The following ZNF217 variants were observed in gnomAD, a reference collection of about 807,000 sequenced individuals.
ZNF217 encodes the protein zinc finger protein 217.
In ZNF217, 12 loss-of-function variants were observed where a neutral mutation model predicts 73.3. The observed-to-expected ratio is 0.16, with a 90% CI of 0.10 to 0.27. The LOEUF is 0.27. ZNF217 is among the 10% of genes least tolerant of loss of function. ZNF217 has a pLI of 1.00. For missense variants in ZNF217, 1,195 were observed against 1,327.8 expected (o/e 0.90, Z 1.55); for synonymous variants, 588 against 516.4 (o/e 1.14, Z -1.88).
At chr20:53,586,869 T>TA (rs899535560) in intron 1 of ZNF217, among the ~76,000 whole-genome samples, 8 of 152,328 alleles carry the variant, frequency 5.3e-5, no homozygotes, top group African/African-American at 1.7e-4. Flanking sequence ...GCACTGCTGA[T>TA]AAAGTAAATT....
At chr20:53,592,974 ATTCT>A (rs1449566728) in intron 1 of ZNF217, among the ~76,000 whole-genome samples, 5 of 151,906 alleles carry the variant, frequency 3.3e-5, no homozygotes, top group Non-Finnish European at 5.9e-5. Context: ...TTGTAAAGAT[ATTCT>A]TTAAGTGTTT....
chr20:53,575,566 A>G, intron 4 of ZNF217, 161 bp downstream of exon 4: 2 of 646,040 alleles, frequency 3.1e-6, no homozygotes, highest in Non-Finnish European at 5.2e-6. Flanking sequence ...GAGGACCACA[A>G]ACCACTGCCG....
At chr20:53,583,683 AT>A (rs1260531295) in intron 1 of ZNF217, among the ~76,000 whole-genome samples, 17 of 152,238 alleles carry the variant, frequency 1.1e-4, no homozygotes, top group Admixed American at 1.1e-3. Flanking sequence ...CCCCTTAGAG[AT>A]TTTGCACATA....
chr20:53,594,366 G>GC (rs544222022), upstream of ZNF217, among the ~76,000 whole-genome samples: 84 of 114,854 alleles, frequency 7.3e-4, 2 homozygotes, highest in South Asian at 0.015. Flanking sequence ...TTCACCGGCC[G>GC]CCCGGCCACG....
intron 1 of ZNF217, among the ~76,000 whole-genome samples, chr20:53,589,885 A>G (rs184571627): frequency 5.1e-4 from 77 of 151,228 alleles, no homozygotes; most frequent in Admixed American, 5.0e-3. Context: ...ATGTGCGTTT[A>G]AATTTTAACA....
Position 53,577,155 on chromosome 20 carries a change from C to T in ZNF217, c.1609G>A (p.Gly537Ser). The change falls in exon 4 of 6, where the codon GGT (glycine) becomes AGT (serine). Residue 537 changes from glycine to serine, a missense_variant. Physicochemically the swap from Gly to Ser is moderately conservative, Grantham distance 56. This residue lies in a region of ZNF217 where 649 missense variants were observed against 642.8 expected (regional missense o/e 1.01). Transcript: ENST00000371471. ...GCATCTTCAGTGTCCTGATTTTTAC[C>T]ATCGTTCTTGACTTCAGCAGCAACA... Reference protein sequence around the residue: ...TDVAAEVKNDGKNQDTEDALL... With the variant: ...TDVAAEVKNDSKNQDTEDALL... 3 of 1,614,014 alleles carry T rather than the reference C, an allele frequency of 1.9e-6. No homozygotes were observed. The highest frequency in any genetic ancestry group is 2.5e-6 in the Non-Finnish European group (3 of 1,180,044).
At chr20:53,592,625 A>G (rs1029989518) in intron 1 of ZNF217, among the ~76,000 whole-genome samples, 7 of 144,842 alleles carry the variant, frequency 4.8e-5, no homozygotes. Flanking sequence ...CCCGGGACCC[A>G]GGTTCCGGCG....
Position 53,570,664 on chromosome 20 carries a change from G to A in ZNF217, c.*23+1057C>T, listed in dbSNP as rs185169120. Among the ~76,000 whole-genome samples, 932 of 152,250 alleles carry A rather than the reference G, an allele frequency of 6.1e-3. 9 individuals are homozygous for A. Among genetic ancestry groups the A allele is most frequent in the African/African-American group, 0.021 (864 of 41,544 alleles). On this transcript the variant is annotated intron_variant, in intron 5 of 5. Transcript: ENST00000371471. Reference sequence around the variant, plus strand: ...ACTACTTGAGCCTTACGGGACGGCGGTGCACTACAGTGAGACCTTTAACAT... The same window carrying A: ...ACTACTTGAGCCTTACGGGACGGCGATGCACTACAGTGAGACCTTTAACAT...
upstream of ZNF217, among the ~76,000 whole-genome samples, chr20:53,593,991 G>A (rs1456624829): frequency 4.0e-5 from 6 of 151,658 alleles, no homozygotes; most frequent in Admixed American, 6.6e-5. Flanking sequence ...GCGGGCGAGG[G>A]GTGCAGCCAT....
chr20:53,591,037 C>T (rs1287568110), intron 1 of ZNF217, among the ~76,000 whole-genome samples: 1 of 147,898 alleles, frequency 6.8e-6, no homozygotes, highest in Non-Finnish European at 1.5e-5. Flanking sequence ...CACTGCTCCT[C>T]CTTCCTCCCC....
intron 2 of ZNF217, among the ~76,000 whole-genome samples, chr20:53,580,031 C>T (rs892377815): frequency 2.0e-5 from 3 of 152,214 alleles, no homozygotes; most frequent in African/African-American, 4.8e-5. Context: ...TGCAACAGTA[C>T]CGGCACTAGC....
intron 2 of ZNF217, among the ~76,000 whole-genome samples, chr20:53,580,085 T>C (rs115996963): frequency 0.012 from 1,755 of 152,334 alleles, 33 homozygotes; most frequent in African/African-American, 0.039. Context: ...AAGCCTCTTT[T>C]TATGATGCCA....
At position 53,576,641 on chromosome 20, in the gene ZNF217, G is replaced by A. The variant is rs745817459; in HGVS notation, c.2123C>T (p.Pro708Leu). The stretch of plus-strand genomic sequence containing the variant: ...GGTACAAAATGGACAGGTGATACTT[G>A]GAATCAAACTTTTACTCAAAGAAAT... ...PAISLSKSLIPSITCPFCTFK... is the reference protein window; with the variant it reads ...PAISLSKSLILSITCPFCTFK... The change falls in exon 4 of 6, where the codon CCA becomes CTA. Residue 708 changes from proline to leucine, a missense_variant. Pro to Leu is a moderately conservative substitution (Grantham distance 98). Transcript: ENST00000371471. The A allele has an allele frequency of 6.2e-7, 1 of 1,614,176 alleles. No individual in the cohort carries two copies. The highest frequency in any genetic ancestry group is 8.5e-7 in the Non-Finnish European group (1 of 1,180,038).
At chr20:53,592,400 A>G (rs567365390) in intron 1 of ZNF217, among the ~76,000 whole-genome samples, 5 of 152,238 alleles carry the variant, frequency 3.3e-5, no homozygotes, top group African/African-American at 1.2e-4. Context: ...GGGGAAAGAA[A>G]AAGAAAAAAA....
At chr20:53,594,586 T>C (rs1338728970), upstream of ZNF217, among the ~76,000 whole-genome samples, 2 of 151,684 alleles carry the variant, frequency 1.3e-5, no homozygotes, top group African/African-American at 4.8e-5. Flanking sequence ...GCCATCCGGC[T>C]TAACGTGGCG....
chr20:53,569,982 G>C (rs555649416), intron 5 of ZNF217, among the ~76,000 whole-genome samples: 2 of 152,120 alleles, frequency 1.3e-5, no homozygotes, highest in African/African-American at 4.8e-5. Flanking sequence ...CAGAGGATGA[G>C]AAAGAAGAGG....
At position 53,592,856 on chromosome 20, in the gene ZNF217, AG is replaced by A. The variant is rs1359352404; in HGVS notation, c.-343+899del. On this transcript the variant is annotated intron_variant, in intron 1 of 5. Transcript: ENST00000371471. ...TCCCTTAAAAAAAAAAAAAAAGAAA[AG>A]AAAAAAAAAAGCAGCAGCACTTTTG... Among the ~76,000 whole-genome samples, 35 of 151,140 alleles carry A rather than the reference AG, an allele frequency of 2.3e-4. 1 individual carries two copies. Among genetic ancestry groups the A allele is most frequent in the African/African-American group, 7.8e-4 (32 of 41,268 alleles).
Position 53,575,956 on chromosome 20 carries a change from G to A in ZNF217, c.2808C>T (p.Tyr936=), listed in dbSNP as rs764488651. The A allele has an allele frequency of 8.1e-6, 13 of 1,614,082 alleles. No individual in the cohort carries two copies. The Admixed American group carries it at 1.5e-4, about 19-fold the overall frequency. Residue 936 remains tyrosine, a synonymous_variant, in exon 4 of 6, where the codon TAC becomes TAT. Transcript: ENST00000371471. ...ACTTGGGAAGGTCATAGCCTCTTCT[G>A]TAATTGGCCCCGGGCTGGTCAACGT... ...ALDVDQPGAN[Y]RRGYDLPKYH... is the part of the protein sequence containing the mutation.
In ZNF217 at chr20:53,581,401, GA is replaced by G; in HGVS notation, c.1366+59del. The G allele has an allele frequency of 6.5e-7, 1 of 1,527,594 alleles. No homozygotes were observed. Among genetic ancestry groups the G allele is most frequent in the Non-Finnish European group, 8.8e-7 (1 of 1,140,232 alleles). The allele number at this position is 1,527,594 out of a possible 1,614,324, so 94.6% of individuals were successfully genotyped here. Reference sequence around the variant, plus strand: ...GTCTGGAGATGGGAATAGAGAGGGGGAGACGGGGAGACAGACAGACACAGGC... The same window carrying G: ...GTCTGGAGATGGGAATAGAGAGGGGGGACGGGGAGACAGACAGACACAGGC... On this transcript the variant is annotated intron_variant, in intron 2 of 5. Transcript: ENST00000371471. This position sits in a 1 kb window ranked among gnomAD's most constrained non-coding sequence, Gnocchi z 4.9.
Sources: gnomAD v4.1 joint callset for allele counts (sites outside exome capture counted in the v4.1 genomes callset) on GRCh38, gnomAD v4.1.1 for gene constraint, gnomAD v4.1.1 regional missense constraint, Gnocchi (gnomAD v3.1) non-coding constraint, MANE v1.5 for transcripts, NCBI Gene and HGNC (gene_info 2026-07-23, HGNC 2026-07-21) for gene names.